The following SH3BGRL2 variants were observed in gnomAD, a reference collection of about 807,000 sequenced individuals.
SH3BGRL2 encodes SH3 domain-binding glutamic acid-rich-like protein 2.
A neutral mutation model predicts 14.8 loss-of-function variants in SH3BGRL2; 21 were observed. The observed-to-expected ratio is 1.42, with a 90% CI of 1.01 to 2.05. The LOEUF (loss-of-function observed/expected upper bound fraction) is 2.05. SH3BGRL2 is among the 30% of genes most tolerant of loss of function. SH3BGRL2 has a pLI of 0.00. For missense variants in SH3BGRL2, 147 were observed against 130.8 expected, an observed-to-expected ratio of 1.12 and a Z score of -0.61; for synonymous variants, 50 against 47.8, an observed-to-expected ratio of 1.05 and a Z score of -0.19.
chr6:79,592,888 A>G, the SH3BGRL2 span, among the ~76,000 whole-genome samples: 2 of 152,344 alleles, frequency 1.3e-5, no homozygotes, highest in East Asian at 3.9e-4. Context: ...TAAGTAGCAG[A>G]GCTCAGAATA....
At chr6:79,594,281 G>A in the SH3BGRL2 span, among the ~76,000 whole-genome samples, 3 of 152,090 alleles carry the variant, frequency 2.0e-5, no homozygotes, top group Non-Finnish European at 4.4e-5. Context: ...TCTCTACAAA[G>A]TTATTGTTCT....
chr6:79,604,498 A>G, the SH3BGRL2 span, among the ~76,000 whole-genome samples: 15 of 152,346 alleles, frequency 9.8e-5, no homozygotes, highest in African/African-American at 3.6e-4. Flanking sequence ...GCAAACGCTC[A>G]GGAAACAGTG....
chr6:79,618,363 G>A, the SH3BGRL2 span, among the ~76,000 whole-genome samples: 2 of 152,136 alleles, frequency 1.3e-5, no homozygotes, highest in Non-Finnish European at 2.9e-5. Context: ...TTCCTCCTGT[G>A]TCCTTTTGAG....
chr6:79,563,800 A>C, the SH3BGRL2 span, among the ~76,000 whole-genome samples: 2 of 152,242 alleles, frequency 1.3e-5, no homozygotes, highest in African/African-American at 4.8e-5. Flanking sequence ...TTGTGAGCTA[A>C]TCAATGAATA....
rs765972085 is a variant in SH3BGRL2, at chr6:79,696,585, T to G, written c.312+20T>G. The G allele has an allele frequency of 1.3e-6, 2 of 1,519,836 alleles. No individual in the cohort carries two copies. The highest frequency in any genetic ancestry group is 2.3e-5 in the East Asian group (1 of 42,776). 94.1% of individuals were successfully genotyped at this position (1,519,836 alleles called of 1,614,324 possible). On this transcript the variant is annotated intron_variant, in intron 3 of 3. Coordinates refer to ENST00000369838, the MANE Select transcript of SH3BGRL2 (RefSeq NM_031469.4). ...TCAAAGGTAGGTAAATCTTTTCTTA[T>G]TCTTGTTTTAGAATTCATCTCTTTT...
At chr6:79,678,228 G>A (rs142359535) in intron 2 of SH3BGRL2, among the ~76,000 whole-genome samples, 1 of 152,084 alleles carries the variant, frequency 6.6e-6, no homozygotes, top group African/African-American at 2.4e-5. Flanking sequence ...TTACATTGTT[G>A]TGAAACAGAT....
chr6:79,668,910 A>G (rs1769716210), intron 1 of SH3BGRL2, among the ~76,000 whole-genome samples: 1 of 152,174 alleles, frequency 6.6e-6, no homozygotes, highest in African/African-American at 2.4e-5. Flanking sequence ...GTACAGTTAG[A>G]TGTAGCATCC....
chr6:79,585,153 G>A, the SH3BGRL2 span, among the ~76,000 whole-genome samples: 4 of 151,566 alleles, frequency 2.6e-5, no homozygotes. Flanking sequence ...TTGACAGTCA[G>A]AAGGGCCACA....
chr6:79,577,210 C>G, the SH3BGRL2 span, among the ~76,000 whole-genome samples: 1 of 152,178 alleles, frequency 6.6e-6, no homozygotes, highest in Non-Finnish European at 1.5e-5. Context: ...TCTGAACTTT[C>G]TATTTTGTTT....
At chr6:79,581,326 GAC>G in the SH3BGRL2 span, among the ~76,000 whole-genome samples, 1 of 151,944 alleles carries the variant, frequency 6.6e-6, no homozygotes, top group African/African-American at 2.4e-5. Flanking sequence ...GCCCAGCAGA[GAC>G]ACAACAAAAA....
chr6:79,601,827 T>C, the SH3BGRL2 span, among the ~76,000 whole-genome samples: 2 of 152,124 alleles, frequency 1.3e-5, 1 homozygote, highest in South Asian at 4.1e-4. Context: ...AAGGTTATTA[T>C]ATTTATTTTA....
At chr6:79,602,820 CAT>C in the SH3BGRL2 span, among the ~76,000 whole-genome samples, 26,443 of 152,104 alleles carry the variant, frequency 0.17, 2,394 homozygotes, top group South Asian at 0.22. Flanking sequence ...ATGATGGAAA[CAT>C]AGTTTATTCA....
chr6:79,626,937 G>C (rs947588397), upstream of SH3BGRL2, among the ~76,000 whole-genome samples: 1 of 152,152 alleles, frequency 6.6e-6, no homozygotes, highest in Non-Finnish European at 1.5e-5. Context: ...ACTAGCTCAA[G>C]ATAAAGGAGG....
chr6:79,587,114 C>T, the SH3BGRL2 span, among the ~76,000 whole-genome samples: 2 of 152,154 alleles, frequency 1.3e-5, no homozygotes, highest in South Asian at 2.1e-4. Flanking sequence ...TTAACATTTT[C>T]CTACATATTC....
the SH3BGRL2 span, among the ~76,000 whole-genome samples, chr6:79,566,910 AAAAAG>A: frequency 1.8e-4 from 27 of 151,880 alleles, no homozygotes; most frequent in Admixed American, 6.6e-4. Context: ...AAAAAAAAAA[AAAAAG>A]AAAGAAACAA....
At chr6:79,666,773 G>T (rs1392684130) in intron 1 of SH3BGRL2, among the ~76,000 whole-genome samples, 1 of 152,074 alleles carries the variant, frequency 6.6e-6, no homozygotes, top group East Asian at 1.9e-4. Flanking sequence ...TTCTATTTGA[G>T]ATACATAAGA....
intron 1 of SH3BGRL2, among the ~76,000 whole-genome samples, chr6:79,635,775 G>C (rs1327174742): frequency 1.3e-5 from 2 of 152,236 alleles, no homozygotes; most frequent in African/African-American, 2.4e-5. Context: ...AAGTGAGGGT[G>C]GGTGTGGAAG....
chr6:79,649,983 T>TCACACACA (rs370228264), intron 1 of SH3BGRL2, among the ~76,000 whole-genome samples: 2,636 of 132,196 alleles, frequency 0.02, 24 homozygotes, highest in East Asian at 0.037. Context: ...TCTCTCTCTC[T>TCACACACA]CTCACACACA....
At chr6:79,561,814 C>T in the SH3BGRL2 span, among the ~76,000 whole-genome samples, 2 of 152,178 alleles carry the variant, frequency 1.3e-5, no homozygotes, top group Non-Finnish European at 2.9e-5. Context: ...TTCACTCAAG[C>T]TGAGCCAATC....
Sources: allele counts gnomAD v4.1 joint callset (sites outside exome capture counted in the v4.1 genomes callset), GRCh38; gene constraint gnomAD v4.1.1; transcripts MANE v1.5; gene names NCBI Gene and HGNC (gene_info 2026-07-23, HGNC 2026-07-21).